NEXN: variants seen among roughly 807,000 people sequenced by gnomAD.
NEXN encodes nexilin.
NEXN carries 65 observed loss-of-function variants against 92.6 expected under a neutral mutation model. The ratio of observed to expected loss-of-function variants is 0.70; its 90% confidence interval spans 0.57 to 0.86. The LOEUF is 0.86. Ranked by LOEUF, NEXN falls within the 40% of genes least tolerant of loss-of-function variation. The pLI, the probability that NEXN is intolerant of heterozygous loss-of-function variation, is 0.00. For missense variants in NEXN, 778 were observed against 771.1 expected (o/e 1.01, Z -0.11); for synonymous variants, 254 against 242.5 (o/e 1.05, Z -0.44).
intron 1 of NEXN, among the ~76,000 whole-genome samples, chr1:77,894,041 G>A (rs937801865): frequency 2.6e-5 from 4 of 152,140 alleles, no homozygotes; most frequent in East Asian, 3.9e-4. Flanking sequence ...GGCCAGGCTG[G>A]TCTCGAACTC....
intron 1 of NEXN, among the ~76,000 whole-genome samples, chr1:77,894,752 G>A (rs140623637): frequency 2.6e-5 from 4 of 151,046 alleles, no homozygotes; most frequent in African/African-American, 9.7e-5. Flanking sequence ...GTCTTGCTCT[G>A]TAGCCCAGGC....
At chr1:77,897,639 A>G (rs1257415210) in intron 1 of NEXN, among the ~76,000 whole-genome samples, 2 of 152,140 alleles carry the variant, frequency 1.3e-5, no homozygotes, top group Non-Finnish European at 2.9e-5. Context: ...TATTCAACAT[A>G]GTGTTGGAAG....
chr1:77,898,986 A>C (rs1460930852), intron 1 of NEXN, among the ~76,000 whole-genome samples: 4 of 152,260 alleles, frequency 2.6e-5, no homozygotes, highest in Non-Finnish European at 5.9e-5. Context: ...TAGAATGGCG[A>C]TCATTAATAA....
At chr1:77,903,200 GGGCTGTTATCCTATCATAAGAAATGA>G (rs1364647059) in intron 1 of NEXN, among the ~76,000 whole-genome samples, 2 of 151,654 alleles carry the variant, frequency 1.3e-5, no homozygotes, top group Non-Finnish European at 2.9e-5. Flanking sequence ...AAAGAATGGT[GGGCTGTTATCCTATCATAAGAAATGA>G]AAAAAAAAAA....
intron 5 of NEXN, among the ~76,000 whole-genome samples, chr1:77,921,443 CTT>C (rs1346477177): frequency 6.6e-6 from 1 of 152,084 alleles, no homozygotes; most frequent in African/African-American, 2.4e-5. Flanking sequence ...TCTCCTGGAT[CTT>C]TTTATTTTTT....
At chr1:77,924,744 G>T (rs1166697) in intron 5 of NEXN, among the ~76,000 whole-genome samples, 138,292 of 151,980 alleles carry the variant, frequency 0.91, 63,112 homozygotes, top group African/African-American at 0.95. Flanking sequence ...ACTGCAGCCT[G>T]AACCTCCTGG....
rs141648489 is a variant in NEXN at position 77,904,071 on chromosome 1, C to T, written c.-52-11984C>T. On this transcript the variant is annotated intron_variant, in intron 1 of 12. Transcript: ENST00000334785. ...GCAGTGGTGCAATCCTGGCTCACTGCGACCTCTGCCTCCCAGGTTCAAGGG... is the reference window on the plus strand; with the variant it reads ...GCAGTGGTGCAATCCTGGCTCACTGTGACCTCTGCCTCCCAGGTTCAAGGG... 8.6e-3 allele frequency among the ~76,000 whole-genome samples: 1,310 copies of T among 152,212 alleles called. 8 individuals are homozygous for T. The highest frequency in any genetic ancestry group is 0.014 in the Non-Finnish European group (964 of 68,008).
intron 9 of NEXN, among the ~76,000 whole-genome samples, chr1:77,931,215 G>A (rs1486409802): frequency 1.5e-5 from 2 of 130,804 alleles, no homozygotes; most frequent in Non-Finnish European, 3.1e-5. Context: ...TTGAAACCCC[G>A]TCTCTACTAA....
intron 1 of NEXN, among the ~76,000 whole-genome samples, chr1:77,902,416 C>T (rs2102051736): frequency 6.6e-6 from 1 of 151,228 alleles, no homozygotes; most frequent in Middle Eastern, 3.4e-3. Flanking sequence ...TTAAAGTTTT[C>T]CCAAAAGAGA....
chr1:77,928,310 C>CAA (rs199608369), intron 8 of NEXN, among the ~76,000 whole-genome samples: 13 of 75,286 alleles, frequency 1.7e-4, no homozygotes, highest in African/African-American at 5.5e-4. Flanking sequence ...GACCCTGTCT[C>CAA]AAAAAAAAAA....
At chr1:77,905,120 G>A (rs1648014667) in intron 1 of NEXN, among the ~76,000 whole-genome samples, 1 of 152,102 alleles carries the variant, frequency 6.6e-6, no homozygotes, top group African/African-American at 2.4e-5. Flanking sequence ...AAATTAGCTG[G>A]GTGTGGTGGT....
intron 1 of NEXN, among the ~76,000 whole-genome samples, chr1:77,909,146 C>A (rs981671076): frequency 1.3e-5 from 2 of 151,974 alleles, no homozygotes; most frequent in Non-Finnish European, 2.9e-5. Context: ...TCAGGCCAGG[C>A]ATGGTGGCTC....
chr1:77,920,301 T>C (rs1389615877), intron 5 of NEXN, among the ~76,000 whole-genome samples: 1 of 152,088 alleles, frequency 6.6e-6, no homozygotes, highest in Non-Finnish European at 1.5e-5. Context: ...ATATAAGGAG[T>C]AAAGTATGGC....
intron 10 of NEXN, 126 bp from the exon 11 acceptor site, chr1:77,935,697 A>G (rs1211350322): frequency 1.4e-6 from 1 of 738,412 alleles, no homozygotes; most frequent in Non-Finnish European, 2.3e-6. Flanking sequence ...ATGTGCCTGT[A>G]GTCCCAGCTC....
At chr1:77,926,647 T>C in intron 7 of NEXN, 36 bp downstream of exon 7, 2 of 1,613,900 alleles carry the variant, frequency 1.2e-6, no homozygotes, top group Non-Finnish European at 1.7e-6. Context: ...AAGAAACAAA[T>C]CAAGGCAGTT....
chr1:77,929,196 G>A (rs1005793704), intron 8 of NEXN, 120 bp from the exon 9 acceptor site: 9 of 677,180 alleles, frequency 1.3e-5, no homozygotes, highest in Admixed American at 2.7e-5. Flanking sequence ...TTTAGGTCAA[G>A]TATATTAAGG....
Position 77,916,072 on chromosome 1 carries a change from G to T in NEXN, c.-35G>T, listed in dbSNP as rs1260349042. 1.3e-6 allele frequency: 2 copies of T among 1,541,104 alleles called. No individual in the cohort carries two copies. The highest frequency in any genetic ancestry group is 1.8e-6 in the Non-Finnish European group (2 of 1,136,228). On this transcript the variant is annotated 5_prime_UTR_variant, in exon 2 of 13. Coordinates refer to ENST00000334785, the MANE Select transcript of NEXN (RefSeq NM_144573.4). ...TTTTTCAGGTGCAAATATATACAGA[G>T]CTTCATAATCAGCCCAAGACCACAT...
intron 1 of NEXN, among the ~76,000 whole-genome samples, chr1:77,895,721 C>T (rs989612799): frequency 3.9e-4 from 60 of 152,084 alleles, no homozygotes; most frequent in African/African-American, 1.4e-3. Context: ...AAAAATTAGC[C>T]GGGTGTGGTA....
At chr1:77,894,502 G>A (rs902188348) in intron 1 of NEXN, among the ~76,000 whole-genome samples, 1 of 151,144 alleles carries the variant, frequency 6.6e-6, no homozygotes, top group African/African-American at 2.4e-5. Context: ...GTGCAGTGGC[G>A]TGATCAGGGT....
Sources: allele counts gnomAD v4.1 joint callset (sites outside exome capture counted in the v4.1 genomes callset), GRCh38; gene constraint gnomAD v4.1.1; transcripts MANE v1.5; gene names NCBI Gene and HGNC (gene_info 2026-07-23, HGNC 2026-07-21).